BOC: variants seen among roughly 807,000 people sequenced by gnomAD.
BOC encodes the protein BOC cell adhesion associated, oncogene regulated.
A neutral mutation model predicts 112.0 loss-of-function variants in BOC; 76 were observed. That is an observed-to-expected ratio of 0.68 (90% CI 0.56 to 0.82). The LOEUF is 0.82. Among genes scored for constraint, BOC ranks in the 40% least tolerant of loss-of-function variants. The pLI is 0.00. For missense variants in BOC, 1,309 were observed against 1,511.7 expected, an observed-to-expected ratio of 0.87 and a Z score of 2.22; for synonymous variants, 580 against 599.8, an observed-to-expected ratio of 0.97 and a Z score of 0.48.
intron 2 of BOC, among the ~76,000 whole-genome samples, chr3:113,219,538 G>T (rs1217219097): frequency 6.6e-6 from 1 of 152,226 alleles, no homozygotes; most frequent in Non-Finnish European, 1.5e-5. Flanking sequence ...AGATGTCATT[G>T]CAGGTCTGCC....
At chr3:113,223,359 A>G (rs142177629) in intron 2 of BOC, among the ~76,000 whole-genome samples, 1,710 of 152,230 alleles carry the variant, frequency 0.011, 17 homozygotes, top group Middle Eastern at 0.02. Flanking sequence ...ATTTCCCCCA[A>G]TCACTTAACC....
intron 14 of BOC, 111 bp from the exon 15 acceptor site, chr3:113,280,920 G>A: frequency 7.0e-7 from 1 of 1,437,368 alleles, no homozygotes; most frequent in Non-Finnish European, 9.5e-7. Context: ...CCCTGTGCCA[G>A]TCAGTGGCAT....
intron 2 of BOC, among the ~76,000 whole-genome samples, chr3:113,227,281 A>G (rs1199608436): frequency 2.0e-5 from 3 of 152,176 alleles, no homozygotes; most frequent in African/African-American, 4.8e-5. Flanking sequence ...GGCTTCCTTT[A>G]TGGGTCTGCA....
Position 113,278,153 on chromosome 3 carries a change from G to A in BOC, c.1601G>A (p.Arg534His), listed in dbSNP as rs149038528. ...TISGIPANQH[R>H]LTLTRLDPGS... The stretch of plus-strand genomic sequence containing the variant: ...TCTGGCATTCCAGCCAACCAGCACC[G>A]CCTGACCCTCACCAGACTTGACCCC... The change falls in exon 10 of 20, where the codon CGC becomes CAC. Residue 534 changes from arginine (R) to histidine (H), a missense_variant. Physicochemically the swap from Arg to His is conservative, Grantham distance 29. Transcript: ENST00000682979. The surrounding 1 kb of genome is among the most constrained non-coding windows in gnomAD (Gnocchi z 4.2). 1.0e-4 allele frequency: 169 copies of A among 1,614,056 alleles called. No individual in the cohort carries two copies. Among genetic ancestry groups the A allele is most frequent in the Middle Eastern group, 1.6e-4 (1 of 6,084 alleles).
chr3:113,256,405 G>T (rs925919476), intron 4 of BOC, among the ~76,000 whole-genome samples: 1 of 152,200 alleles, frequency 6.6e-6, no homozygotes, highest in Non-Finnish European at 1.5e-5. Context: ...GTGTCATGGT[G>T]CATTGTCAGT....
upstream of BOC, chr3:113,211,457 C>G (rs1364356889): frequency 9.1e-6 from 1 of 110,026 alleles, no homozygotes; most frequent in East Asian, 3.0e-4. Flanking sequence ...GCTCCTCCCC[C>G]TCCTCCCAGC....
chr3:113,266,882 G>T (rs1947540262), intron 4 of BOC, among the ~76,000 whole-genome samples: 1 of 152,222 alleles, frequency 6.6e-6, no homozygotes, highest in Non-Finnish European at 1.5e-5. Context: ...TACGTGGGAA[G>T]CCTCCTGACC....
At chr3:113,259,331 A>G (rs760233582) in intron 4 of BOC, among the ~76,000 whole-genome samples, 1 of 152,196 alleles carries the variant, frequency 6.6e-6, no homozygotes, top group Non-Finnish European at 1.5e-5. Flanking sequence ...AAGCTAAGAG[A>G]AAAGGGAAGG....
In BOC at chr3:113,278,253, A is replaced by T; in HGVS notation, c.1701A>T (p.Arg567=). The T allele has an allele frequency of 6.2e-7, 1 of 1,614,154 alleles. No homozygotes were observed. The highest frequency in any genetic ancestry group is 8.5e-7 in the Non-Finnish European group (1 of 1,180,000). ...GCCAGACAGCCATGGTCACCTTCCG[A>T]ACTGGTGAGAGTCAAACATTGCCCC... The part of the protein sequence containing the change: ...GEGQTAMVTF[R]TGRRPKPEIM... The change falls in exon 10 of 20, where the codon CGA becomes CGT. Residue 567 remains arginine, a synonymous_variant. Transcript: ENST00000682979. The surrounding 1 kb of genome is among the most constrained non-coding windows in gnomAD (Gnocchi z 4.2).
At chr3:113,231,201 T>G (rs968049273) in intron 2 of BOC, among the ~76,000 whole-genome samples, 4 of 152,192 alleles carry the variant, frequency 2.6e-5, no homozygotes, top group African/African-American at 9.7e-5. Flanking sequence ...GGAGATAGCT[T>G]TTTTTCAAAT....
intron 4 of BOC, among the ~76,000 whole-genome samples, chr3:113,261,350 G>A (rs1946853693): frequency 6.6e-6 from 1 of 152,202 alleles, no homozygotes; most frequent in South Asian, 2.1e-4. Flanking sequence ...AGAAATATGT[G>A]TGATGTGGGT....
intron 2 of BOC, among the ~76,000 whole-genome samples, chr3:113,238,459 T>C (rs1219404511): frequency 6.6e-6 from 1 of 152,242 alleles, no homozygotes; most frequent in East Asian, 1.9e-4. Context: ...CTTTTTAGAA[T>C]GTTTCAGGCC....
Position 113,216,243 on chromosome 3 carries a change from C to T in BOC, c.-113C>T, listed in dbSNP as rs188796542. On this transcript the variant is annotated 5_prime_UTR_variant, in exon 2 of 20. Transcript: ENST00000682979. ...CATGAAGTCTTGTCGACATTTATACCGTCTGAGGGTAGCAGCTCGAAAGTA... is the reference window on the plus strand; with the variant it reads ...CATGAAGTCTTGTCGACATTTATACTGTCTGAGGGTAGCAGCTCGAAAGTA... The T allele has an allele frequency of 2.6e-5, 12 of 456,430 alleles. No homozygotes were observed. The highest frequency in any genetic ancestry group is 4.7e-5 in the Admixed American group (2 of 42,540). The allele number at this position is 456,430 out of a possible 1,614,324, so 28.3% of individuals were successfully genotyped here.
Position 113,280,666 on chromosome 3 carries a change from G to A in BOC, c.2311+3G>A, listed in dbSNP as rs1949105254. 9 of 1,583,842 alleles carry A rather than the reference G, an allele frequency of 5.7e-6. No homozygotes were observed. Among genetic ancestry groups the A allele is most frequent in the Non-Finnish European group, 6.9e-6 (8 of 1,152,448 alleles). ...CTACAAGAAGGATATGGTGGAAGGT[G>A]AGACACAGTTCTGTGTTTATAGCTT... On this transcript the variant is annotated splice_donor_region_variant and intron_variant, in intron 14 of 19. Coordinates refer to ENST00000682979, the MANE Select transcript of BOC (RefSeq NM_001378074.1).
In BOC at chr3:113,250,890, C is replaced by T. The variant is rs764298530; in HGVS notation, c.376+57C>T. On this transcript the variant is annotated intron_variant, in intron 4 of 19. Coordinates refer to ENST00000682979, the MANE Select transcript of BOC (RefSeq NM_001378074.1). The stretch of plus-strand genomic sequence containing the variant: ...TGCGGTCCCTCCTCATCTCTCCCAC[C>T]CTGAAGCCCCCACCATTCATGCTGC... The T allele has an allele frequency of 3.1e-6, 5 of 1,589,324 alleles. No homozygotes were observed. The Admixed American group carries it at 8.5e-5, about 27-fold the overall frequency.
chr3:113,274,857 A>G lies in BOC; in HGVS notation c.1542+175A>G, dbSNP rs1248345091. On this transcript the variant is annotated intron_variant, in intron 9 of 19. Transcript: ENST00000682979. The surrounding 1 kb of genome is among the most constrained non-coding windows in gnomAD (Gnocchi z 4.8). ...GTGTCCATCCCTGCCACCTCCCAGG[A>G]AGCTGGTTGTAAGATGGGTGTGTGG... Among the ~76,000 whole-genome samples the G allele has an allele frequency of 6.6e-6, 1 of 152,248 alleles. No individual in the cohort carries two copies. The highest frequency in any genetic ancestry group is 2.4e-5 in the African/African-American group (1 of 41,562).
At chr3:113,218,196 C>T (rs542505495) in intron 2 of BOC, among the ~76,000 whole-genome samples, 13 of 152,298 alleles carry the variant, frequency 8.5e-5, no homozygotes, top group South Asian at 2.1e-4. Flanking sequence ...TTGGAGCCCC[C>T]GCCACCAAGT....
intron 3 of BOC, 107 bp downstream of exon 3, chr3:113,250,006 C>T: frequency 1.1e-6 from 1 of 929,272 alleles, no homozygotes; most frequent in South Asian, 1.5e-5. Context: ...TCAAAGAACA[C>T]TTTATTCCCA....
At position 113,284,353 on chromosome 3, in the gene BOC, G is replaced by C. The variant is rs760308862; in HGVS notation, c.2675G>C (p.Gly892Ala). 1 of 1,614,112 alleles carries C rather than the reference G, an allele frequency of 6.2e-7. No individual in the cohort carries two copies. Among genetic ancestry groups the C allele is most frequent in the South Asian group, 1.1e-5 (1 of 91,076 alleles). Residue 892 changes from glycine (G) to alanine (A), a missense_variant, in exon 17 of 20, where the codon GGT becomes GCT. By Grantham distance (60) the Gly-to-Ala change is moderately conservative (BLOSUM62 0). Transcript: ENST00000682979. ...CTTCCAGAACATACAACAGACCTGG[G>C]TTTTCCTCGAAGTGCCCTTCCACCC... Reference protein sequence around the residue: ...WSKQKHTTDLGFPRSALPPSC... With the variant: ...WSKQKHTTDLAFPRSALPPSC...
Sources: gnomAD v4.1 joint callset for allele counts (sites outside exome capture counted in the v4.1 genomes callset) on GRCh38, gnomAD v4.1.1 for gene constraint, Gnocchi (gnomAD v3.1) non-coding constraint, MANE v1.5 for transcripts, NCBI Gene and HGNC (gene_info 2026-07-23, HGNC 2026-07-21) for gene names.